SLAMF1: variants seen among roughly 807,000 people sequenced by gnomAD.
SLAMF1 encodes signaling lymphocytic activation molecule family member 1, also known as signaling lymphocytic activation molecule.
Under a neutral mutation model 35.1 loss-of-function variants are expected in SLAMF1, and 18 were observed. That is an observed-to-expected ratio of 0.51 (90% CI 0.35 to 0.76). SLAMF1 has a LOEUF of 0.76. SLAMF1 is among the 30% of genes least tolerant of loss of function. The pLI, the probability that SLAMF1 is intolerant of heterozygous loss-of-function variation, is 0.01. For missense variants in SLAMF1, 392 were observed against 413.0 expected (o/e 0.95, Z 0.44); for synonymous variants, 168 against 157.2 (o/e 1.07, Z -0.51).
intron 2 of SLAMF1, chr1:160,636,908 G>T: frequency 2.4e-6 from 1 of 422,270 alleles, no homozygotes; most frequent in South Asian, 4.0e-5. Flanking sequence ...AGATCCTTGG[G>T]TCTATCGGCC....
chr1:160,637,242 G>T lies in SLAMF1; in HGVS notation c.364C>A (p.Leu122Met), dbSNP rs773644297. 7 of 1,614,068 alleles carry T rather than the reference G, an allele frequency of 4.3e-6. No individual in the cohort carries two copies. The highest frequency in any genetic ancestry group is 5.9e-6 in the Non-Finnish European group (7 of 1,179,982). The change falls in exon 2 of 7, where the codon CTG (leucine) becomes ATG (methionine). Residue 122 changes from leucine to methionine, a missense_variant. Coordinates refer to ENST00000302035, the MANE Select transcript of SLAMF1 (RefSeq NM_003037.5). ...KEDEGWYLMT[L>M]EKNVSVQRFC... The stretch of plus-strand genomic sequence containing the variant: ...CGCTGAACTGAAACATTTTTCTCCA[G>T]GGTCATAAGGTACCATCCCTCATCC...
intron 5 of SLAMF1, among the ~76,000 whole-genome samples, chr1:160,616,383 T>TA (rs5778171): frequency 0.57 from 84,668 of 148,288 alleles, 25,005 homozygotes; most frequent in African/African-American, 0.73. Flanking sequence ...AGTGCCTTCT[T>TA]AAAAAAAAAA....
intron 6 of SLAMF1, among the ~76,000 whole-genome samples, chr1:160,611,667 G>A (rs1008976629): frequency 3.9e-5 from 6 of 152,176 alleles, no homozygotes; most frequent in African/African-American, 1.4e-4. Flanking sequence ...ATTCCTGTCC[G>A]AAGTAAACTT....
intron 3 of SLAMF1, among the ~76,000 whole-genome samples, chr1:160,626,637 T>C (rs1659896166): frequency 6.6e-6 from 1 of 152,136 alleles, no homozygotes; most frequent in Non-Finnish European, 1.5e-5. Context: ...TCCAGAGTCA[T>C]AGAAAAAGTC....
At position 160,647,035 on chromosome 1, in the gene SLAMF1, G is replaced by A. The variant is rs1420956763; in HGVS notation, c.-90C>T. 1 of 706,070 alleles carries A rather than the reference G, an allele frequency of 1.4e-6. No homozygotes were observed. The highest frequency in any genetic ancestry group is 2.7e-5 in the East Asian group (1 of 36,626). 43.7% of individuals were successfully genotyped at this position (706,070 alleles called of 1,614,324 possible). ...GAAGCAAGCTTCGTGTCATGCAGCA[G>A]AGGCTGTCTGATTTATGTATCAGGA... On this transcript the variant is annotated 5_prime_UTR_variant, in exon 1 of 7. Coordinates refer to ENST00000302035, the MANE Select transcript of SLAMF1 (RefSeq NM_003037.5).
Position 160,610,180 on chromosome 1 carries a change from C to A in SLAMF1, c.*568G>T. On this transcript the variant is annotated 3_prime_UTR_variant, in exon 7 of 7. Transcript: ENST00000302035. The stretch of plus-strand genomic sequence containing the variant: ...AATAATATTCTTAGCTTCCTTTATA[C>A]AATAATATCAGAGTGTTTTATGTAT... 1 of 386,776 alleles carries A rather than the reference C, an allele frequency of 2.6e-6. No homozygotes were observed. Among genetic ancestry groups the A allele is most frequent in the South Asian group, 1.9e-5 (1 of 53,704 alleles). 24.0% of individuals were successfully genotyped at this position (386,776 alleles called of 1,614,324 possible).
intron 3 of SLAMF1, among the ~76,000 whole-genome samples, chr1:160,628,797 G>A (rs1660012730): frequency 6.6e-6 from 1 of 152,226 alleles, no homozygotes. Flanking sequence ...GAATCAAAGG[G>A]AAGGAGAAGT....
At chr1:160,641,156 G>A (rs1206082768) in intron 1 of SLAMF1, among the ~76,000 whole-genome samples, 2 of 152,154 alleles carry the variant, frequency 1.3e-5, no homozygotes, top group Non-Finnish European at 2.9e-5. Context: ...TTGTATAGAT[G>A]AGCGTATACA....
chr1:160,626,170 A>T (rs1436868010), intron 3 of SLAMF1, among the ~76,000 whole-genome samples: 2 of 152,184 alleles, frequency 1.3e-5, no homozygotes, highest in Non-Finnish European at 2.9e-5. Context: ...ACTTGAGATT[A>T]AAAAAATAAA....
intron 3 of SLAMF1, among the ~76,000 whole-genome samples, chr1:160,630,083 T>C (rs1364622715): frequency 6.6e-6 from 1 of 152,168 alleles, no homozygotes; most frequent in Non-Finnish European, 1.5e-5. Flanking sequence ...CTCTTCAAGA[T>C]GAGCTTCCAG....
At chr1:160,635,691 C>A (rs564295334) in intron 2 of SLAMF1, among the ~76,000 whole-genome samples, 1 of 151,760 alleles carries the variant, frequency 6.6e-6, no homozygotes, top group South Asian at 2.1e-4. Context: ...CCTGCCTCAG[C>A]CTCCCGAGTA....
chr1:160,624,937 T>A (rs1352448280), intron 3 of SLAMF1, among the ~76,000 whole-genome samples: 2 of 152,242 alleles, frequency 1.3e-5, no homozygotes, highest in South Asian at 4.1e-4. Context: ...AAGATTATAA[T>A]GAACAATTAT....
rs547836981 is a variant in SLAMF1, at chr1:160,642,945, C to T, written c.76+3925G>A. 6.6e-6 allele frequency among the ~76,000 whole-genome samples: 1 copy of T among 152,236 alleles called. No homozygotes were observed. The highest frequency in any genetic ancestry group is 2.1e-4 in the South Asian group (1 of 4,814). Reference sequence around the variant, plus strand: ...TATTTGGGGCTAAGTTTTTAATATTCATTTTTATTAACTTTATCCCAAATG... The same window carrying T: ...TATTTGGGGCTAAGTTTTTAATATTTATTTTTATTAACTTTATCCCAAATG... On this transcript the variant is annotated intron_variant, in intron 1 of 6. Coordinates refer to ENST00000302035, the MANE Select transcript of SLAMF1 (RefSeq NM_003037.5). This position sits in a 1 kb window ranked among gnomAD's most constrained non-coding sequence, Gnocchi z 4.2.
In SLAMF1 at chr1:160,609,829, A is replaced by G. The variant is rs2102246666; in HGVS notation, c.*919T>C. On this transcript the variant is annotated 3_prime_UTR_variant, in exon 7 of 7. Coordinates refer to ENST00000302035, the MANE Select transcript of SLAMF1 (RefSeq NM_003037.5). ...CCTGCAATACCCCTTGAAGCCCTGG[A>G]TATAAGAGGTTCAGAATCTGGTCAC... is the stretch of plus-strand genomic sequence containing the variant. The G allele has an allele frequency of 6.4e-6, 1 of 156,416 alleles. No individual in the cohort carries two copies. Among genetic ancestry groups the G allele is most frequent in the African/African-American group, 2.4e-5 (1 of 41,566 alleles). 9.7% of individuals were successfully genotyped at this position (156,416 alleles called of 1,614,324 possible). A position where few individuals can be genotyped will look rare whatever the true frequency, so the allele number is the denominator to read the frequency against.
At chr1:160,619,127 A>G (rs1659470956) in intron 5 of SLAMF1, among the ~76,000 whole-genome samples, 2 of 151,932 alleles carry the variant, frequency 1.3e-5, no homozygotes, top group Non-Finnish European at 2.9e-5. Context: ...TACAATACCA[A>G]GAATTGCCTT....
At chr1:160,639,031 C>T (rs949911811) in intron 1 of SLAMF1, among the ~76,000 whole-genome samples, 2 of 152,196 alleles carry the variant, frequency 1.3e-5, no homozygotes, top group Non-Finnish European at 2.9e-5. Context: ...AGGGTTATAT[C>T]TCCCAACCAA....
At chr1:160,637,056 A>C (rs904576166) in intron 2 of SLAMF1, 135 bp downstream of exon 2, 7 of 647,134 alleles carry the variant, frequency 1.1e-5, no homozygotes, top group Non-Finnish European at 1.9e-5. Context: ...CAGCAGGTTT[A>C]AATACCCCCA....
At chr1:160,626,348 A>G (rs1659878930) in intron 3 of SLAMF1, among the ~76,000 whole-genome samples, 1 of 152,206 alleles carries the variant, frequency 6.6e-6, no homozygotes, top group Non-Finnish European at 1.5e-5. Context: ...GCTTCAGGAC[A>G]TGACAACGCC....
Position 160,642,218 on chromosome 1 carries a change from C to T in SLAMF1, c.76+4652G>A, listed in dbSNP as rs1266584965. 2.0e-5 allele frequency among the ~76,000 whole-genome samples: 3 copies of T among 152,110 alleles called. No homozygotes were observed. The highest frequency in any genetic ancestry group is 7.2e-5 in the African/African-American group (3 of 41,402). ...AAACTGTATCCCCATCAGTCAAAGTCCTATTTTTATTATTTGGCACTGCTG... is the reference window on the plus strand; with the variant it reads ...AAACTGTATCCCCATCAGTCAAAGTTCTATTTTTATTATTTGGCACTGCTG... On this transcript the variant is annotated intron_variant, in intron 1 of 6. Transcript: ENST00000302035. The surrounding 1 kb of genome is among the most constrained non-coding windows in gnomAD (Gnocchi z 4.2).
Sources: gnomAD v4.1 joint callset for allele counts (sites outside exome capture counted in the v4.1 genomes callset) on GRCh38, gnomAD v4.1.1 for gene constraint, Gnocchi (gnomAD v3.1) non-coding constraint, MANE v1.5 for transcripts, NCBI Gene and HGNC (gene_info 2026-07-23, HGNC 2026-07-21) for gene names.